Variants in PHYHIPL observed in about 807,000 individuals in gnomAD.
The protein encoded by PHYHIPL is phytanoyl-CoA 2-hydroxylase interacting protein like, also known as phytanoyl-CoA hydroxylase-interacting protein-like.
Under a neutral mutation model 33.4 loss-of-function variants are expected in PHYHIPL, and 9 were observed. The observed-to-expected ratio is 0.27, with a 90% CI of 0.16 to 0.47. The LOEUF (loss-of-function observed/expected upper bound fraction) is 0.47, where lower values mean the gene tolerates loss of function less well. Among genes scored for constraint, PHYHIPL ranks in the 20% least tolerant of loss-of-function variants. PHYHIPL has a pLI of 0.99. For missense variants in PHYHIPL, 365 were observed against 460.7 expected (o/e 0.79, Z 1.90); for synonymous variants, 153 against 154.1 (o/e 0.99, Z 0.05).
intron 1 of PHYHIPL, 146 bp downstream of exon 1, chr10:59,177,105 C>T (rs1224581421): frequency 1.5e-6 from 1 of 659,930 alleles, no homozygotes; most frequent in Non-Finnish European, 2.5e-6. Flanking sequence ...GGGTTACCCT[C>T]CGCCCACCGC....
rs147644208 is a variant in PHYHIPL at position 59,176,909 on chromosome 10, A to C, written c.56A>C (p.Glu19Ala). The C allele has an allele frequency of 1.7e-4, 276 of 1,613,484 alleles. No individual in the cohort carries two copies. The highest frequency in any genetic ancestry group is 2.2e-4 in the Non-Finnish European group (265 of 1,179,798). The change falls in exon 1 of 5, where the codon GAG becomes GCG. Residue 19 changes from glutamate (E) to alanine (A), a missense_variant. Physicochemically the swap from Glu to Ala is moderately radical, Grantham distance 107. This residue lies in a region of PHYHIPL where 89 missense variants were observed against 78.3 expected (regional missense o/e 1.14). Transcript: ENST00000373880. ...AACAGCCCCACCAGCCCCTGTGAGG[A>C]GGTGATCAAAAACCTCAGCCTGGAG... ...ALNSPTSPCE[E>A]VIKNLSLEAI...
At chr10:59,179,566 A>G (rs1005869335) in intron 1 of PHYHIPL, among the ~76,000 whole-genome samples, 1 of 152,174 alleles carries the variant, frequency 6.6e-6, no homozygotes, top group Non-Finnish European at 1.5e-5. Flanking sequence ...ATGTTCTCCA[A>G]TCAGAGATAT....
rs999089310 is a variant in PHYHIPL, at chr10:59,176,708, G to T, written c.-146G>T. On this transcript the variant is annotated 5_prime_UTR_variant, in exon 1 of 5. Coordinates refer to ENST00000373880, the MANE Select transcript of PHYHIPL (RefSeq NM_032439.4). ...CTTCGCGGCGGCTCTCCAGCCCCGC[G>T]CCTCAGCCTCGGCGCCGCATCACCG... is the stretch of plus-strand genomic sequence containing the variant. The T allele has an allele frequency of 4.3e-6, 3 of 689,844 alleles. No individual in the cohort carries two copies. Among genetic ancestry groups the T allele is most frequent in the African/African-American group, 1.8e-5 (1 of 54,170 alleles). 42.7% of individuals were successfully genotyped at this position (689,844 alleles called of 1,614,324 possible).
In PHYHIPL at chr10:59,238,668, T is replaced by C; in HGVS notation, c.559T>C (p.Tyr187His). Residue 187 changes from tyrosine (Y) to histidine (H), a missense_variant, in exon 4 of 5, where the codon TAT (tyrosine) becomes CAT (histidine). Coordinates refer to ENST00000373880, the MANE Select transcript of PHYHIPL (RefSeq NM_032439.4). ...ACGCATGCTTAAGTTTTCTGTTTTT[T>C]ATCGTAATCAGCACAAAGAATATTT... ...AGRMLKFSVF[Y>H]RNQHKEYFDY... 6.2e-7 allele frequency: 1 copy of C among 1,603,550 alleles called. No individual in the cohort carries two copies. Among genetic ancestry groups the C allele is most frequent in the Non-Finnish European group, 8.5e-7 (1 of 1,170,870 alleles).
chr10:59,206,888 C>T, intron 1 of PHYHIPL: 3 of 817,990 alleles, frequency 3.7e-6, no homozygotes, highest in Non-Finnish European at 4.6e-6. Flanking sequence ...TTTTGACTTC[C>T]CCAAATTATG....
chr10:59,175,233 T>C (rs1212357154), upstream of PHYHIPL, among the ~76,000 whole-genome samples: 1 of 152,244 alleles, frequency 6.6e-6, no homozygotes, highest in Non-Finnish European at 1.5e-5. Flanking sequence ...AAAACATCCA[T>C]CTTCATTAAT....
chr10:59,212,542 A>G (rs552545545), intron 1 of PHYHIPL, among the ~76,000 whole-genome samples: 22 of 152,308 alleles, frequency 1.4e-4, no homozygotes, highest in African/African-American at 5.3e-4. Context: ...CAAATAAGGC[A>G]AATGGTCAAC....
At position 59,245,524 on chromosome 10, in the gene PHYHIPL, G is replaced by A. The variant is rs1375282639; in HGVS notation, c.1064G>A (p.Ser355Asn). 1 of 1,613,854 alleles carries A rather than the reference G, an allele frequency of 6.2e-7. No individual in the cohort carries two copies. Among genetic ancestry groups the A allele is most frequent in the Non-Finnish European group, 8.5e-7 (1 of 1,179,910 alleles). Residue 355 changes from serine (S) to asparagine (N), a missense_variant, in exon 5 of 5, where the codon AGT becomes AAT. Transcript: ENST00000373880. ...GAAATCACTGGTCATCAGCTCATGA[G>A]TTTGTCTACTGCAAATGCAAAGAAA... ...VAEITGHQLM[S>N]LSTANAKKDP...
At position 59,176,749 on chromosome 10, in the gene PHYHIPL, TC is replaced by T. The variant is rs1838261350; in HGVS notation, c.-102del. The T allele has an allele frequency of 9.4e-7, 1 of 1,058,730 alleles. No homozygotes were observed. Among genetic ancestry groups the T allele is most frequent in the East Asian group, 2.7e-5 (1 of 37,688 alleles). The allele number at this position is 1,058,730 out of a possible 1,614,324, so 65.6% of individuals were successfully genotyped here. ...CGCATCACCGCGTCCCAGGCCTCCT[TC>T]CCTCCCTCTGCCACTCCCCCTCCCT... On this transcript the variant is annotated 5_prime_UTR_variant, in exon 1 of 5. Coordinates refer to ENST00000373880, the MANE Select transcript of PHYHIPL (RefSeq NM_032439.4).
chr10:59,240,830 CTT>C (rs1016814810), intron 4 of PHYHIPL, among the ~76,000 whole-genome samples: 1 of 151,870 alleles, frequency 6.6e-6, no homozygotes, highest in Admixed American at 6.6e-5. Flanking sequence ...GGGAACTGGC[CTT>C]TGTTTTTAGG....
At chr10:59,191,531 T>G (rs888781248) in intron 1 of PHYHIPL, among the ~76,000 whole-genome samples, 2 of 151,998 alleles carry the variant, frequency 1.3e-5, no homozygotes, top group African/African-American at 4.8e-5. Flanking sequence ...ACCATATCAC[T>G]ATTTTGCCAA....
intron 1 of PHYHIPL, among the ~76,000 whole-genome samples, chr10:59,213,787 C>T (rs2042987172): frequency 6.6e-6 from 1 of 152,154 alleles, no homozygotes; most frequent in South Asian, 2.1e-4. Context: ...CCCACTACAA[C>T]ATATCAGAAA....
intron 1 of PHYHIPL, among the ~76,000 whole-genome samples, chr10:59,189,504 TAA>T (rs1838719802): frequency 6.6e-6 from 1 of 152,050 alleles, no homozygotes; most frequent in Admixed American, 6.6e-5. Flanking sequence ...CTTAGCCAGT[TAA>T]GAGTCTACTT....
At chr10:59,200,298 G>A (rs1430085314) in intron 1 of PHYHIPL, among the ~76,000 whole-genome samples, 1 of 152,104 alleles carries the variant, frequency 6.6e-6, no homozygotes, top group South Asian at 2.1e-4. Context: ...GGCCTTTTCT[G>A]CATCTATTGA....
At chr10:59,176,390 G>C (rs944257638), upstream of PHYHIPL, among the ~76,000 whole-genome samples, 1 of 152,070 alleles carries the variant, frequency 6.6e-6, no homozygotes, top group African/African-American at 2.4e-5. Flanking sequence ...GGCGTATAGC[G>C]CTCGCCCTTC....
intron 4 of PHYHIPL, among the ~76,000 whole-genome samples, chr10:59,243,336 G>C (rs1226258102): frequency 3.3e-5 from 5 of 152,160 alleles, no homozygotes; most frequent in Admixed American, 3.3e-4. Context: ...GATATGCTCA[G>C]ATGAAGGAAA....
In PHYHIPL at chr10:59,176,944, C is replaced by T; in HGVS notation, c.91C>T (p.Leu31=). 1.2e-6 allele frequency: 2 copies of T among 1,613,388 alleles called. No homozygotes were observed. Among genetic ancestry groups the T allele is most frequent in the African/African-American group, 2.7e-5 (2 of 75,052 alleles). Residue 31 remains leucine, a synonymous_variant, in exon 1 of 5, where the codon CTG becomes TTG. Transcript: ENST00000373880. ...IKNLSLEAIQ[L]CDRDGNKSQD... Reference sequence around the variant, plus strand: ...AAACCTCAGCCTGGAGGCCATTCAGCTGTGCGACCGGGACGGTAAGAGCGG... The same window carrying T: ...AAACCTCAGCCTGGAGGCCATTCAGTTGTGCGACCGGGACGGTAAGAGCGG...
intron 1 of PHYHIPL, among the ~76,000 whole-genome samples, chr10:59,193,524 A>G (rs1035363103): frequency 1.3e-5 from 2 of 152,192 alleles, no homozygotes; most frequent in African/African-American, 4.8e-5. Flanking sequence ...AATTGAACAC[A>G]TATGTCCAAG....
intron 1 of PHYHIPL, among the ~76,000 whole-genome samples, chr10:59,193,213 T>C (rs1838826285): frequency 1.3e-5 from 2 of 152,136 alleles, no homozygotes; most frequent in African/African-American, 4.8e-5. Flanking sequence ...TTATATTTGG[T>C]AGGTTGTGGT....
Sources: allele counts gnomAD v4.1 joint callset (sites outside exome capture counted in the v4.1 genomes callset), GRCh38; gene constraint gnomAD v4.1.1; regional missense constraint gnomAD v4.1.1; transcripts MANE v1.5; gene names NCBI Gene and HGNC (gene_info 2026-07-23, HGNC 2026-07-21).